ZYG11A: variants seen among roughly 807,000 people sequenced by gnomAD.
ZYG11A encodes the protein zyg-11 family member A, cell cycle regulator.
A neutral mutation model predicts 77.2 loss-of-function variants in ZYG11A; 62 were observed. That is an observed-to-expected ratio of 0.80 (90% CI 0.65 to 0.99). The LOEUF is 0.99. Among genes scored for constraint, ZYG11A ranks in the 50% least tolerant of loss-of-function variants. The probability of loss-of-function intolerance (pLI) is 0.00; values close to 1 mark genes in which losing one functional copy is unlikely to be tolerated. For missense variants in ZYG11A, 828 were observed against 896.8 expected, an observed-to-expected ratio of 0.92 and a Z score of 0.98; for synonymous variants, 315 against 324.6, an observed-to-expected ratio of 0.97 and a Z score of 0.32.
At chr1:52,846,304 AAATTTT>A in intron 1 of ZYG11A, among the ~76,000 whole-genome samples, 1 of 47,528 alleles carries the variant, frequency 2.1e-5, no homozygotes, top group Admixed American at 2.4e-4. Context: ...ATGGCTTTTT[AAATTTT>A]TATATATATA....
chr1:52,858,452 C>T (rs1433778690), intron 3 of ZYG11A, among the ~76,000 whole-genome samples: 2 of 144,950 alleles, frequency 1.4e-5, no homozygotes, highest in African/African-American at 5.1e-5. Flanking sequence ...ACTACAGGCA[C>T]GTGCCACCAT....
chr1:52,881,903 T>C (rs1646370755), intron 11 of ZYG11A, among the ~76,000 whole-genome samples: 1 of 107,916 alleles, frequency 9.3e-6, no homozygotes, highest in South Asian at 3.0e-4. Flanking sequence ...TATTGATGTT[T>C]CTTTTTTTTT....
intron 3 of ZYG11A, among the ~76,000 whole-genome samples, chr1:52,860,362 C>G (rs1193626268): frequency 6.6e-6 from 1 of 151,972 alleles, no homozygotes; most frequent in African/African-American, 2.4e-5. Context: ...TCTCCTGATT[C>G]TTGAATCCTG....
intron 6 of ZYG11A, among the ~76,000 whole-genome samples, chr1:52,866,901 G>A (rs1249851597): frequency 6.6e-6 from 1 of 152,094 alleles, no homozygotes; most frequent in Non-Finnish European, 1.5e-5. Context: ...TTAATTCCTA[G>A]TTTAAGTACA....
chr1:52,852,347 C>T (rs554652524), intron 1 of ZYG11A, among the ~76,000 whole-genome samples: 3 of 150,912 alleles, frequency 2.0e-5, no homozygotes, highest in South Asian at 2.1e-4. Context: ...GCACCTGGCC[C>T]GACAGTTAAT....
At chr1:52,892,706 C>A in intron 13 of ZYG11A, 76 bp from the exon 14 acceptor site, 1 of 1,258,352 alleles carries the variant, frequency 7.9e-7, no homozygotes, top group Non-Finnish European at 1.1e-6. Context: ...GTTTCTTCAG[C>A]AAGGTGAATG....
At chr1:52,888,071 A>C (rs1239193464) in intron 13 of ZYG11A, among the ~76,000 whole-genome samples, 1 of 152,224 alleles carries the variant, frequency 6.6e-6, no homozygotes, top group Non-Finnish European at 1.5e-5. Context: ...AATGTAATTA[A>C]GGGAAAATAT....
chr1:52,854,501 C>T lies in ZYG11A; in HGVS notation c.127C>T (p.Leu43=). Residue 43 remains leucine (L), a synonymous_variant, in exon 2 of 14, where the codon CTG becomes TTG. Transcript: ENST00000371528. The stretch of plus-strand genomic sequence containing the variant: ...TCCCTACACTTTGGTCAACATCTGC[C>T]TGAATGTCCTGATTGCTAACCTGGA... The part of the protein sequence containing the change: ...ASPYTLVNIC[L]NVLIANLEKL... 6.4e-7 allele frequency: 1 copy of T among 1,550,560 alleles called. No individual in the cohort carries two copies. The highest frequency in any genetic ancestry group is 8.7e-7 in the Non-Finnish European group (1 of 1,146,084).
Position 52,865,306 on chromosome 1 carries a change from A to G in ZYG11A, c.1326+1149A>G, listed in dbSNP as rs555150504. Among the ~76,000 whole-genome samples the G allele has an allele frequency of 7.0e-4, 106 of 152,240 alleles. 3 individuals carry two copies. In the South Asian group the frequency reaches 0.021, roughly 30 times the overall value. ...TGATAGACTGGGAAACATGTTCATT[A>G]TATATATATGAGAATCAACTTCATT... On this transcript the variant is annotated intron_variant, in intron 5 of 13. Transcript: ENST00000371528.
intron 8 of ZYG11A, among the ~76,000 whole-genome samples, chr1:52,873,992 AAAAT>A (rs1429868127): frequency 2.0e-5 from 3 of 151,920 alleles, no homozygotes; most frequent in Non-Finnish European, 4.4e-5. Flanking sequence ...CTCAAAAAAA[AAAAT>A]AAATAAATAA....
At chr1:52,853,441 GTGAA>G (rs983902594) in intron 1 of ZYG11A, among the ~76,000 whole-genome samples, 7 of 152,144 alleles carry the variant, frequency 4.6e-5, no homozygotes, top group African/African-American at 1.4e-4. Flanking sequence ...TATTTTTTGA[GTGAA>G]TGACCATGTA....
In ZYG11A at chr1:52,857,666, C is replaced by T; in HGVS notation, c.925C>T (p.Leu309=). The T allele has an allele frequency of 2.6e-6, 4 of 1,552,200 alleles. No homozygotes were observed. Among genetic ancestry groups the T allele is most frequent in the Non-Finnish European group, 2.6e-6 (3 of 1,147,092 alleles). ...TGAAGCTGTAGAACTGTTTATACGA[C>T]TGCGGCCTGCCATGCAATTTGTGGG... ...TDEAVELFIR[L]RPAMQFVGLL... Residue 309 remains leucine, a synonymous_variant, in exon 3 of 14, where the codon CTG becomes TTG. Coordinates refer to ENST00000371528, the MANE Select transcript of ZYG11A (RefSeq NM_001004339.3).
At chr1:52,844,842 C>T (rs1189095772) in intron 1 of ZYG11A, among the ~76,000 whole-genome samples, 1 of 151,906 alleles carries the variant, frequency 6.6e-6, no homozygotes, top group African/African-American at 2.4e-5. Context: ...GTATATTGAT[C>T]TTGTATCCTA....
At chr1:52,886,020 C>T in intron 12 of ZYG11A, 126 bp downstream of exon 12, 1 of 644,136 alleles carries the variant, frequency 1.6e-6, no homozygotes, top group Non-Finnish European at 2.5e-6. Context: ...GCAAGCTCCA[C>T]CTCCCGGGTT....
At chr1:52,869,846 C>T (rs546027134) in intron 8 of ZYG11A, among the ~76,000 whole-genome samples, 7 of 151,000 alleles carry the variant, frequency 4.6e-5, no homozygotes, top group Admixed American at 2.6e-4. Flanking sequence ...CCTCACCTCC[C>T]GGACGGGACG....
intron 1 of ZYG11A, among the ~76,000 whole-genome samples, chr1:52,853,335 C>T (rs993895380): frequency 6.6e-6 from 1 of 152,208 alleles, no homozygotes; most frequent in African/African-American, 2.4e-5. Context: ...CCTCACCTTA[C>T]TGTCAGTTTC....
chr1:52,866,824 A>G (rs1646036071), intron 6 of ZYG11A, among the ~76,000 whole-genome samples: 2 of 152,214 alleles, frequency 1.3e-5, no homozygotes, highest in South Asian at 2.1e-4. Context: ...TTTGCTTATT[A>G]TAAGTTTCCT....
At chr1:52,863,054 A>G (rs1645960057) in intron 4 of ZYG11A, among the ~76,000 whole-genome samples, 1 of 152,196 alleles carries the variant, frequency 6.6e-6, no homozygotes. Context: ...TTTTTGTGAA[A>G]ATCACATTTC....
intron 4 of ZYG11A, among the ~76,000 whole-genome samples, chr1:52,861,173 C>T (rs909318734): frequency 6.6e-6 from 1 of 152,058 alleles, no homozygotes; most frequent in Admixed American, 6.6e-5. Context: ...TAAGGGTGGC[C>T]AAATCTACCA....
Sources: allele counts gnomAD v4.1 joint callset (sites outside exome capture counted in the v4.1 genomes callset), GRCh38; gene constraint gnomAD v4.1.1; transcripts MANE v1.5; gene names NCBI Gene and HGNC (gene_info 2026-07-23, HGNC 2026-07-21).